SAMTOR: variants seen among roughly 807,000 people sequenced by gnomAD.
SAMTOR encodes UPF0532 protein C7orf60.
chr7:112,881,707 T>C, the SAMTOR span, among the ~76,000 whole-genome samples: 2 of 152,174 alleles, frequency 1.3e-5, no homozygotes, highest in African/African-American at 4.8e-5. Flanking sequence ...TGGACACTTG[T>C]CAGGACAACC....
the SAMTOR span, among the ~76,000 whole-genome samples, chr7:112,937,338 T>G: frequency 2.0e-5 from 3 of 152,294 alleles, no homozygotes; most frequent in African/African-American, 7.2e-5. Flanking sequence ...ATTGGTGCTA[T>G]AGTTCAGGTA....
chr7:112,900,712 G>C, the SAMTOR span, among the ~76,000 whole-genome samples: 1 of 152,242 alleles, frequency 6.6e-6, no homozygotes, highest in East Asian at 1.9e-4. Flanking sequence ...GAACACAATA[G>C]AGAGTGCAAA....
chr7:112,918,577 G>C, the SAMTOR span, among the ~76,000 whole-genome samples: 1 of 152,114 alleles, frequency 6.6e-6, no homozygotes, highest in Non-Finnish European at 1.5e-5. Flanking sequence ...ATAATGACGG[G>C]ATCAAATTCA....
the SAMTOR span, among the ~76,000 whole-genome samples, chr7:112,856,926 G>C: frequency 1.3e-5 from 2 of 152,046 alleles, no homozygotes; most frequent in East Asian, 3.9e-4. Flanking sequence ...TATCTGATAA[G>C]TTAGGTTCAT....
At chr7:112,900,150 GA>G in the SAMTOR span, among the ~76,000 whole-genome samples, 8 of 152,062 alleles carry the variant, frequency 5.3e-5, no homozygotes, top group African/African-American at 9.7e-5. Flanking sequence ...AGATATCTAA[GA>G]AGAGATTTGT....
At chr7:112,854,951 C>G in the SAMTOR span, among the ~76,000 whole-genome samples, 3 of 152,142 alleles carry the variant, frequency 2.0e-5, no homozygotes, top group Non-Finnish European at 4.4e-5. Context: ...GATTCCTGCT[C>G]TTATTGAGAA....
At chr7:112,876,934 G>A in the SAMTOR span, among the ~76,000 whole-genome samples, 1 of 152,084 alleles carries the variant, frequency 6.6e-6, no homozygotes, top group African/African-American at 2.4e-5. Context: ...TATTAGCTCT[G>A]AGATAAATTC....
the SAMTOR span, chr7:112,832,546 C>A: frequency 8.3e-6 from 12 of 1,444,008 alleles, no homozygotes; most frequent in South Asian, 9.4e-5. Flanking sequence ...AGTCCAAAAA[C>A]AAAACTATGC....
the SAMTOR span, among the ~76,000 whole-genome samples, chr7:112,873,124 T>C: frequency 6.6e-6 from 1 of 152,048 alleles, no homozygotes; most frequent in Non-Finnish European, 1.5e-5. Flanking sequence ...TCAGTATTGT[T>C]AAAATGTCCA....
the SAMTOR span, among the ~76,000 whole-genome samples, chr7:112,910,168 A>G: frequency 6.6e-6 from 1 of 152,074 alleles, no homozygotes; most frequent in East Asian, 1.9e-4. Context: ...CCCCAAAAAA[A>G]GACTAATAAT....
the SAMTOR span, among the ~76,000 whole-genome samples, chr7:112,861,984 C>A: frequency 6.6e-6 from 1 of 152,160 alleles, no homozygotes; most frequent in Non-Finnish European, 1.5e-5. Context: ...CCAGGTACAG[C>A]GGCTCAGGCC....
At chr7:112,820,491 G>A in the SAMTOR span, 2 of 152,264 alleles carry the variant, frequency 1.3e-5, no homozygotes, top group African/African-American at 2.4e-5. Context: ...AATCCACACA[G>A]TGGCACTCTT....
the SAMTOR span, among the ~76,000 whole-genome samples, chr7:112,883,094 A>G: frequency 1.3e-5 from 2 of 152,178 alleles, no homozygotes; most frequent in Admixed American, 6.5e-5. Context: ...AATATGTCCA[A>G]TATTTTATAT....
At chr7:112,897,694 T>C in the SAMTOR span, among the ~76,000 whole-genome samples, 1 of 152,096 alleles carries the variant, frequency 6.6e-6, no homozygotes, top group South Asian at 2.1e-4. Context: ...TGAAACCGAG[T>C]TGGCTTTGGA....
chr7:112,848,200 T>C, the SAMTOR span, among the ~76,000 whole-genome samples: 1 of 152,140 alleles, frequency 6.6e-6, no homozygotes, highest in Non-Finnish European at 1.5e-5. Flanking sequence ...AGGCTTATAT[T>C]AAGTAACTAT....
the SAMTOR span, among the ~76,000 whole-genome samples, chr7:112,865,623 CAT>C: frequency 2.8e-5 from 4 of 144,538 alleles, no homozygotes; most frequent in African/African-American, 5.0e-5. Flanking sequence ...TACATATATT[CAT>C]ATATATATCA....
chr7:112,876,205 C>T, the SAMTOR span, among the ~76,000 whole-genome samples: 1 of 152,158 alleles, frequency 6.6e-6, no homozygotes, highest in African/African-American at 2.4e-5. Flanking sequence ...AGCGATCTGC[C>T]TGTCTCAACC....
the SAMTOR span, among the ~76,000 whole-genome samples, chr7:112,876,249 T>C: frequency 6.6e-6 from 1 of 152,158 alleles, no homozygotes; most frequent in Admixed American, 6.5e-5. Context: ...CATGCACCAC[T>C]GCACCTGGAC....
the SAMTOR span, chr7:112,821,666 G>C: frequency 7.3e-7 from 1 of 1,363,010 alleles, no homozygotes; most frequent in Non-Finnish European, 9.9e-7. Flanking sequence ...TTTCAGTACT[G>C]AGTTCATGTT....
Sources: gnomAD v4.1 joint callset for allele counts (sites outside exome capture counted in the v4.1 genomes callset) on GRCh38, gnomAD v4.1.1 for gene constraint, MANE v1.5 for transcripts, NCBI Gene and HGNC (gene_info 2026-07-23, HGNC 2026-07-21) for gene names.